The following HECA variants were observed in gnomAD, a reference collection of about 807,000 sequenced individuals.
The protein encoded by HECA is HECA ribonucleoprotein granule regulator.
HECA carries 13 observed loss-of-function variants against 37.6 expected under a neutral mutation model. The ratio of observed to expected loss-of-function variants is 0.35; its 90% CI spans 0.23 to 0.55. The LOEUF (loss-of-function observed/expected upper bound fraction) is 0.55. Among genes scored for constraint, HECA ranks in the 20% least tolerant of loss-of-function variants. The probability of loss-of-function intolerance (pLI) is 0.90; values close to 1 mark genes in which losing one functional copy is unlikely to be tolerated. For synonymous variants in HECA, 307 were observed against 291.5 expected (o/e 1.05, Z -0.54); for missense variants, 527 against 701.9 (o/e 0.75, Z 2.82).
chr6:139,163,260 C>A (rs934578170), intron 1 of HECA, among the ~76,000 whole-genome samples: 1 of 152,138 alleles, frequency 6.6e-6, no homozygotes, highest in African/African-American at 2.4e-5. Context: ...GGATGGCTCC[C>A]ACAACAGAGA....
intron 1 of HECA, among the ~76,000 whole-genome samples, chr6:139,152,077 T>C (rs1399784587): frequency 6.6e-6 from 1 of 152,236 alleles, no homozygotes; most frequent in South Asian, 2.1e-4. Flanking sequence ...GGATAAACTA[T>C]GACACTATTA....
chr6:139,153,687 G>C (rs1774680066), intron 1 of HECA, among the ~76,000 whole-genome samples: 1 of 151,972 alleles, frequency 6.6e-6, no homozygotes, highest in East Asian at 1.9e-4. Flanking sequence ...CCAAAGTGCT[G>C]GGATTACAGG....
rs559738227 is a variant in HECA at position 139,177,856 on chromosome 6, A to T, written c.*751A>T. 1.3e-5 allele frequency: 2 copies of T among 152,346 alleles called. No homozygotes were observed. The highest frequency in any genetic ancestry group is 4.8e-5 in the African/African-American group (2 of 41,586). The allele number at this position is 152,346 out of a possible 1,614,324, so 9.4% of individuals were successfully genotyped here. Reference sequence around the variant, plus strand: ...CTTTGAAGTTGGTAATATAGCTTTTAAGGAGAACCCATGAATAACCTGATT... The same window carrying T: ...CTTTGAAGTTGGTAATATAGCTTTTTAGGAGAACCCATGAATAACCTGATT... On this transcript the variant is annotated 3_prime_UTR_variant, in exon 4 of 4. Coordinates refer to ENST00000367658, the MANE Select transcript of HECA (RefSeq NM_016217.3). The surrounding 1 kb of genome is among the most constrained non-coding windows in gnomAD (Gnocchi z 4.9).
intron 2 of HECA, among the ~76,000 whole-genome samples, chr6:139,172,874 A>G (rs190104768): frequency 6.6e-6 from 1 of 152,240 alleles, no homozygotes; most frequent in Non-Finnish European, 1.5e-5. Flanking sequence ...AATGATTCAC[A>G]CGGAGCTGGT....
chr6:139,152,509 T>C (rs1261012805), intron 1 of HECA, among the ~76,000 whole-genome samples: 2 of 151,862 alleles, frequency 1.3e-5, no homozygotes, highest in Non-Finnish European at 2.9e-5. Context: ...TAAATCCTAC[T>C]GTAAGCAAAG....
intron 1 of HECA, among the ~76,000 whole-genome samples, chr6:139,143,680 G>T (rs1428591907): frequency 6.6e-6 from 1 of 152,008 alleles, no homozygotes; most frequent in Non-Finnish European, 1.5e-5. Flanking sequence ...GGCCAACATG[G>T]TGAAACCCCA....
intron 2 of HECA, among the ~76,000 whole-genome samples, chr6:139,168,517 T>G (rs1261956601): frequency 6.6e-6 from 1 of 151,896 alleles, no homozygotes; most frequent in Non-Finnish European, 1.5e-5. Context: ...CCTGTCAGAT[T>G]TTTTTTGGAA....
At chr6:139,172,976 T>G (rs1188360340) in intron 2 of HECA, among the ~76,000 whole-genome samples, 1 of 152,252 alleles carries the variant, frequency 6.6e-6, no homozygotes, top group Non-Finnish European at 1.5e-5. Context: ...CTTCTGTGTC[T>G]AAGGCTGCCC....
At chr6:139,171,552 A>G (rs554924676) in intron 2 of HECA, among the ~76,000 whole-genome samples, 1 of 152,324 alleles carries the variant, frequency 6.6e-6, no homozygotes, top group Admixed American at 6.5e-5. Flanking sequence ...ATGCCGTCTT[A>G]TTTGTAGTAA....
chr6:139,171,825 TTTG>T (rs1774977167), intron 2 of HECA, among the ~76,000 whole-genome samples: 1 of 151,556 alleles, frequency 6.6e-6, no homozygotes, highest in South Asian at 2.1e-4. Context: ...GTTGTTGTTG[TTTG>T]TTGTTGTGTT....
At chr6:139,148,518 C>CT (rs1774611441) in intron 1 of HECA, among the ~76,000 whole-genome samples, 1 of 152,202 alleles carries the variant, frequency 6.6e-6, no homozygotes, top group African/African-American at 2.4e-5. Context: ...AATCTCAGCA[C>CT]TTTGGGAGGC....
intron 3 of HECA, among the ~76,000 whole-genome samples, chr6:139,175,926 G>A (rs1471855342): frequency 3.9e-5 from 6 of 152,134 alleles, no homozygotes; most frequent in African/African-American, 1.4e-4. Context: ...AAATATGTTC[G>A]ATTATTGTTA....
chr6:139,155,535 T>G (rs1774700860), intron 1 of HECA: 1 of 152,210 alleles, frequency 6.6e-6, no homozygotes, highest in South Asian at 2.1e-4. Context: ...CATTGTTGAA[T>G]CAAACGTCGT....
At chr6:139,155,714 G>T (rs572774836) in intron 1 of HECA, 2 of 152,214 alleles carry the variant, frequency 1.3e-5, no homozygotes, top group African/African-American at 4.8e-5. Context: ...TTCGTGCTAG[G>T]ATGCTGTGTA....
rs1254180415 is a variant in HECA, at chr6:139,153,451, T to G, written c.272-12833T>G. On this transcript the variant is annotated intron_variant, in intron 1 of 3. Transcript: ENST00000367658. ...TTTTTTTTTTTTTTGAGAGGGAGTTTTGCTCTCGTCGCCCAGGCTGGAGTG... is the reference window on the plus strand; with the variant it reads ...TTTTTTTTTTTTTTGAGAGGGAGTTGTGCTCTCGTCGCCCAGGCTGGAGTG... Among the ~76,000 whole-genome samples the G allele has an allele frequency of 2.6e-5, 4 of 152,078 alleles. No individual in the cohort carries two copies. The East Asian group carries it at 7.7e-4, about 29-fold the overall frequency.
At chr6:139,157,118 T>G (rs760556834) in intron 1 of HECA, among the ~76,000 whole-genome samples, 2 of 152,252 alleles carry the variant, frequency 1.3e-5, no homozygotes, top group Non-Finnish European at 2.9e-5. Flanking sequence ...GGATTATTCA[T>G]GCCTCCCCTT....
rs889702209 is a variant in HECA at position 139,178,165 on chromosome 6, T to C, written c.*1060T>C. On this transcript the variant is annotated 3_prime_UTR_variant, in exon 4 of 4. Coordinates refer to ENST00000367658, the MANE Select transcript of HECA (RefSeq NM_016217.3). ...TTAAAAGTATGTTTTGGAAAATCAA[T>C]GATTTTAATGCATAGCAGTATGTTT... The C allele has an allele frequency of 3.9e-5, 6 of 152,230 alleles. No individual in the cohort carries two copies. The highest frequency in any genetic ancestry group is 8.8e-5 in the Non-Finnish European group (6 of 68,052). The allele number at this position is 152,230 out of a possible 1,614,324, so 9.4% of individuals were successfully genotyped here.
chr6:139,138,678 G>A (rs1052538991), intron 1 of HECA, among the ~76,000 whole-genome samples: 4 of 152,264 alleles, frequency 2.6e-5, no homozygotes, highest in South Asian at 2.1e-4. Flanking sequence ...TGGGGAAGCC[G>A]CGGTATAGTT....
At chr6:139,145,105 A>G (rs1447242532) in intron 1 of HECA, among the ~76,000 whole-genome samples, 3 of 152,248 alleles carry the variant, frequency 2.0e-5, no homozygotes, top group African/African-American at 7.2e-5. Context: ...TTTTGTCAAC[A>G]TCTTACCAGT....
Sources: allele counts gnomAD v4.1 joint callset (sites outside exome capture counted in the v4.1 genomes callset), GRCh38; gene constraint gnomAD v4.1.1; non-coding constraint Gnocchi (gnomAD v3.1); transcripts MANE v1.5; gene names NCBI Gene and HGNC (gene_info 2026-07-23, HGNC 2026-07-21).